Variants in RXFP2 observed in about 807,000 individuals in gnomAD.
The protein encoded by RXFP2 is relaxin receptor 2.
RXFP2 carries 68 observed loss-of-function variants against 88.6 expected under a neutral mutation model. That is an observed-to-expected ratio of 0.77 (90% CI 0.63 to 0.94). The LOEUF (loss-of-function observed/expected upper bound fraction) is 0.94, where lower values mean the gene tolerates loss of function less well. Among genes scored for constraint, RXFP2 ranks in the 40% least tolerant of loss-of-function variants. The pLI, the probability that RXFP2 is intolerant of heterozygous loss-of-function variation, is 0.00. For synonymous variants in RXFP2, 329 were observed against 306.8 expected (o/e 1.07, Z -0.76); for missense variants, 791 against 893.9 (o/e 0.88, Z 1.47).
intron 3 of RXFP2, 24 bp downstream of exon 3, chr13:31,761,825 A>G: frequency 2.0e-6 from 3 of 1,487,416 alleles, no homozygotes; most frequent in Admixed American, 1.7e-5. Flanking sequence ...ATTCAAAGAC[A>G]GTATCAGCTT....
intron 9 of RXFP2, 87 bp downstream of exon 9, chr13:31,778,670 C>A: frequency 1.0e-6 from 1 of 954,810 alleles, no homozygotes; most frequent in Non-Finnish European, 1.7e-6. Context: ...CTAGAAAGTC[C>A]ATCTATAATT....
rs1873850224 is a variant in RXFP2 at position 31,792,658 on chromosome 13, CTG to C, written c.1376-18_1376-17del. ...GGACATTGGAAACTGATGACATACA[CTG>C]TTTCAATTCTTCCACAGGTGCTGAT... On this transcript the variant is annotated intron_variant, in intron 15 of 17. Coordinates refer to ENST00000298386, the MANE Select transcript of RXFP2 (RefSeq NM_130806.5). 1.2e-6 allele frequency: 2 copies of C among 1,612,546 alleles called. No individual in the cohort carries two copies. Among genetic ancestry groups the C allele is most frequent in the Admixed American group, 1.7e-5 (1 of 60,004 alleles).
At chr13:31,755,503 T>C (rs1159015087) in intron 1 of RXFP2, among the ~76,000 whole-genome samples, 1 of 151,978 alleles carries the variant, frequency 6.6e-6, no homozygotes, top group Admixed American at 6.6e-5. Flanking sequence ...TGCTGGATTG[T>C]GATATAAAAT....
chr13:31,801,709 C>G (rs576329146), intron 17 of RXFP2, among the ~76,000 whole-genome samples: 12 of 152,130 alleles, frequency 7.9e-5, no homozygotes, highest in Non-Finnish European at 1.8e-4. Flanking sequence ...CAGGGCAGGG[C>G]AATAAGCTTT....
Position 31,739,579 on chromosome 13 carries a change from A to C in RXFP2, c.-34A>C. On this transcript the variant is annotated 5_prime_UTR_variant, in exon 1 of 18. Transcript: ENST00000298386. The stretch of plus-strand genomic sequence containing the variant: ...ATCAGAACTCCTGCTGAGGTATAAG[A>C]GGATACGTCTAATAACTCAATTGCT... 7.4e-7 allele frequency: 1 copy of C among 1,356,862 alleles called. No homozygotes were observed. The highest frequency in any genetic ancestry group is 1.1e-6 in the Non-Finnish European group (1 of 945,758). 84.1% of individuals were successfully genotyped at this position (1,356,862 alleles called of 1,614,324 possible). A position where few individuals can be genotyped will look rare whatever the true frequency, so the allele number is the denominator to read the frequency against.
intron 2 of RXFP2, among the ~76,000 whole-genome samples, chr13:31,760,664 G>A (rs9603650): frequency 0.33 from 49,750 of 152,074 alleles, 8,991 homozygotes; most frequent in Admixed American, 0.43. Flanking sequence ...GCATCATTGA[G>A]AGTATTAATA....
rs35847911 is a variant in RXFP2 at position 31,776,102 on chromosome 13, T to TTTCTTTCTTTCTTTCTTTCTTTCTTTC, written c.641+715_641+716insCTTTCTTTCTTTCTTTCTTTCTTTCTT. On this transcript the variant is annotated intron_variant, in intron 7 of 17. Transcript: ENST00000298386. ...TTTCCTTCCTTCTTTCTTTCTTTTC[T>TTTCTTTCTTTCTTTCTTTCTTTCTTTC]TTTCTTTCTTTCTTTCTTTCTTTCT... Among the ~76,000 whole-genome samples, 102 of 109,908 alleles carry TTTCTTTCTTTCTTTCTTTCTTTCTTTC rather than the reference T, an allele frequency of 9.3e-4. 1 individual carries two copies. Among genetic ancestry groups the TTTCTTTCTTTCTTTCTTTCTTTCTTTC allele is most frequent in the East Asian group, 7.2e-3 (27 of 3,734 alleles). The allele number at this position is 109,908 out of a possible 152,430, so 72.1% of individuals were successfully genotyped here.
At chr13:31,745,135 A>C (rs117628560) in intron 1 of RXFP2, among the ~76,000 whole-genome samples, 61 of 151,060 alleles carry the variant, frequency 4.0e-4, no homozygotes, top group Admixed American at 7.9e-4. Context: ...GTGCCACCAT[A>C]CTCCAGCCTG....
At chr13:31,746,866 G>T (rs567873685) in intron 1 of RXFP2, among the ~76,000 whole-genome samples, 9 of 146,120 alleles carry the variant, frequency 6.2e-5, no homozygotes, top group Non-Finnish European at 1.2e-4. Flanking sequence ...CTTTCATTCT[G>T]CCTTAAGAGC....
intron 6 of RXFP2, 51 bp from the exon 7 acceptor site, chr13:31,775,267 C>A: frequency 2.2e-6 from 3 of 1,334,180 alleles, no homozygotes; most frequent in Non-Finnish European, 3.2e-6. Context: ...TTATATGTGA[C>A]TAAAATAGGG....
chr13:31,803,081 C>G lies in RXFP2; in HGVS notation c.*676C>G, dbSNP rs1037940597. The G allele has an allele frequency of 1.3e-5, 2 of 152,230 alleles. No individual in the cohort carries two copies. 9.4% of individuals were successfully genotyped at this position (152,230 alleles called of 1,614,324 possible). On this transcript the variant is annotated 3_prime_UTR_variant, in exon 18 of 18. Transcript: ENST00000298386. ...TCTTAAGATATTTTTCTGAAGGTTG[C>G]CCAGGGCACAAACAAATTGGACACT...
intron 2 of RXFP2, 147 bp downstream of exon 2, chr13:31,758,551 C>A: frequency 1.1e-6 from 1 of 885,602 alleles, no homozygotes; most frequent in East Asian, 2.5e-5. Flanking sequence ...AATGACTCCC[C>A]AATGTATTTG....
At chr13:31,775,171 G>A (rs539480402) in intron 6 of RXFP2, 147 bp from the exon 7 acceptor site, 59 of 706,406 alleles carry the variant, frequency 8.4e-5, no homozygotes, top group Non-Finnish European at 1.1e-4. Flanking sequence ...GATACCCCTT[G>A]AATTTGCCCC....
chr13:31,777,411 A>C lies in RXFP2; in HGVS notation c.677A>C (p.Gln226Pro). Residue 226 changes from glutamine to proline, a missense_variant, in exon 8 of 18, where the codon CAG (glutamine) becomes CCG (proline). By Grantham distance (76) the Gln-to-Pro change is moderately conservative. Transcript: ENST00000298386. ...LDDNPITRIS[Q>P]RLFTGLNSLF... ...GACAATCCAATAACCAGAATTTCAC[A>C]GCGCTTGTTTACGGGATTAAATTCC... 1 of 1,612,004 alleles carries C rather than the reference A, an allele frequency of 6.2e-7. No individual in the cohort carries two copies. Among genetic ancestry groups the C allele is most frequent in the Non-Finnish European group, 8.5e-7 (1 of 1,178,506 alleles).
rs781501621 is a variant in RXFP2, at chr13:31,765,186, C to T, written c.425+44C>T. 2.4e-6 allele frequency: 3 copies of T among 1,227,242 alleles called. No individual in the cohort carries two copies. In the East Asian group the frequency reaches 7.0e-5, roughly 29 times the overall value. 76.0% of individuals were successfully genotyped at this position (1,227,242 alleles called of 1,614,324 possible). ...TTGGTGATATCTGTCCCTATAGTCA[C>T]ATGAAAACCAAGAAAAAACCCAATA... On this transcript the variant is annotated intron_variant, in intron 4 of 17. Transcript: ENST00000298386.
intron 1 of RXFP2, among the ~76,000 whole-genome samples, chr13:31,747,299 C>T (rs1300679226): frequency 6.6e-6 from 1 of 152,102 alleles, no homozygotes; most frequent in Admixed American, 6.5e-5. Context: ...AGGCCCTTTG[C>T]CACCGCTCCT....
chr13:31,764,243 TCACACACACACA>T lies in RXFP2; in HGVS notation c.320-759_320-748del, dbSNP rs56132108. 5.7e-3 allele frequency among the ~76,000 whole-genome samples: 747 copies of T among 131,772 alleles called. 4 individuals carry two copies. Among genetic ancestry groups the T allele is most frequent in the African/African-American group, 0.017 (603 of 35,124 alleles). The allele number at this position is 131,772 out of a possible 152,430, so 86.4% of individuals were successfully genotyped here. On this transcript the variant is annotated intron_variant, in intron 3 of 17. Coordinates refer to ENST00000298386, the MANE Select transcript of RXFP2 (RefSeq NM_130806.5). ...CTGCCCTCGTCTGTCTCTCTCTCTTTCACACACACACACACACACACACACACACACACACAC... is the reference window on the plus strand; with the variant it reads ...CTGCCCTCGTCTGTCTCTCTCTCTTTCACACACACACACACACACACACAC...
intron 1 of RXFP2, among the ~76,000 whole-genome samples, chr13:31,744,899 T>C (rs1200767968): frequency 2.0e-5 from 3 of 152,176 alleles, no homozygotes; most frequent in African/African-American, 7.2e-5. Flanking sequence ...CTGGGCGTGG[T>C]GACTCACACC....
intron 5 of RXFP2, among the ~76,000 whole-genome samples, chr13:31,769,783 G>A (rs144519546): frequency 6.6e-6 from 1 of 152,230 alleles, no homozygotes; most frequent in Non-Finnish European, 1.5e-5. Flanking sequence ...GCATTTGAGA[G>A]TTAGTCATGG....
Sources: gnomAD v4.1 joint callset for allele counts (sites outside exome capture counted in the v4.1 genomes callset) on GRCh38, gnomAD v4.1.1 for gene constraint, MANE v1.5 for transcripts, NCBI Gene and HGNC (gene_info 2026-07-23, HGNC 2026-07-21) for gene names.